Variants in DCHS2 observed in about 807,000 individuals in gnomAD.
DCHS2 encodes protocadherin-23.
DCHS2 carries 142 observed loss-of-function variants against 182.4 expected under a neutral mutation model. The observed-to-expected ratio is 0.78, with a 90% confidence interval of 0.68 to 0.89. The LOEUF (loss-of-function observed/expected upper bound fraction) is 0.89. Ranked by LOEUF, DCHS2 falls within the 40% of genes least tolerant of loss-of-function variation. The pLI, the probability that DCHS2 is intolerant of heterozygous loss-of-function variation, is 0.00. For missense variants in DCHS2, 4,319 were observed against 4,198.6 expected (o/e 1.03, Z -0.79); for synonymous variants, 1,740 against 1,663.3 (o/e 1.05, Z -1.12).
intron 1 of DCHS2, among the ~76,000 whole-genome samples, chr4:154,429,050 C>G (rs1246152051): frequency 6.6e-6 from 1 of 151,834 alleles, no homozygotes; most frequent in Non-Finnish European, 1.5e-5. Context: ...TATAAACACA[C>G]AAAGAAATCT....
intron 1 of DCHS2, among the ~76,000 whole-genome samples, chr4:154,445,821 A>C (rs1261156122): frequency 1.3e-5 from 2 of 151,974 alleles, no homozygotes; most frequent in African/African-American, 4.8e-5. Context: ...AAAAAAAAAA[A>C]AAAACGAAAG....
intron 3 of DCHS2, among the ~76,000 whole-genome samples, chr4:154,348,541 T>C (rs560029745): frequency 6.6e-6 from 1 of 152,036 alleles, no homozygotes; most frequent in Admixed American, 6.5e-5. Context: ...ATATAATTAG[T>C]TAAGGATCTC....
intron 1 of DCHS2, among the ~76,000 whole-genome samples, chr4:154,475,247 A>G (rs908285731): frequency 1.3e-5 from 2 of 152,180 alleles, no homozygotes; most frequent in African/African-American, 4.8e-5. Flanking sequence ...AAAATCAGAA[A>G]GGGGCAAAAC....
At chr4:154,366,562 A>G (rs890778382) in intron 2 of DCHS2, 121 bp from the exon 3 acceptor site, 4 of 702,360 alleles carry the variant, frequency 5.7e-6, no homozygotes, top group Non-Finnish European at 1.0e-5. Context: ...GGGGGTTTGT[A>G]TATGTATATG....
intron 16 of DCHS2, among the ~76,000 whole-genome samples, chr4:154,242,997 C>G (rs754343504): frequency 2.0e-5 from 3 of 152,008 alleles, no homozygotes; most frequent in Non-Finnish European, 2.9e-5. Context: ...AGCAAGCTGC[C>G]AGGGATCATG....
At chr4:154,317,856 C>CA (rs1244674778) in intron 9 of DCHS2, among the ~76,000 whole-genome samples, 2 of 151,690 alleles carry the variant, frequency 1.3e-5, no homozygotes. Context: ...AATGCTTCTT[C>CA]AAAAAAAGAA....
chr4:154,334,690 T>A, intron 4 of DCHS2, 178 bp downstream of exon 4: 1 of 565,542 alleles, frequency 1.8e-6, no homozygotes, highest in Non-Finnish European at 3.1e-6. Flanking sequence ...GAAAAAAAAT[T>A]GTGGGATGGA....
chr4:154,341,018 TG>T (rs1023416024), intron 3 of DCHS2, among the ~76,000 whole-genome samples: 1 of 152,128 alleles, frequency 6.6e-6, no homozygotes, highest in African/African-American at 2.4e-5. Context: ...TGAATTTATG[TG>T]GGGGGAGAAT....
intron 1 of DCHS2, among the ~76,000 whole-genome samples, chr4:154,383,845 C>T (rs1182349630): frequency 6.6e-6 from 1 of 151,930 alleles, no homozygotes; most frequent in African/African-American, 2.4e-5. Flanking sequence ...AAAAACGTCT[C>T]AGAGCCCAGT....
At chr4:154,312,376 G>T (rs1474719041) in intron 10 of DCHS2, among the ~76,000 whole-genome samples, 1 of 152,070 alleles carries the variant, frequency 6.6e-6, no homozygotes, top group African/African-American at 2.4e-5. Flanking sequence ...GCACGTCAAT[G>T]AATAACTACT....
At position 154,234,853 on chromosome 4, in the gene DCHS2, T is replaced by C. The variant is rs749618990; in HGVS notation, c.9799A>G (p.Ile3267Val). The C allele has an allele frequency of 2.5e-6, 4 of 1,613,968 alleles. No homozygotes were observed. In the South Asian group the frequency reaches 4.4e-5, roughly 18 times the overall value. Residue 3267 changes from isoleucine to valine, a missense_variant, in exon 20 of 20, where the codon ATT (isoleucine) becomes GTT (valine). Physicochemically the swap from Ile to Val is conservative, Grantham distance 29. Transcript: ENST00000357232. ...LKDEHLHMPG[I>V]PKEKKSFVFP... ...ACAAAAGATTTCTTCTCTTTTGGAA[T>C]GCCAGGCATATGCAAATGTTCATCC... is the stretch of plus-strand genomic sequence containing the variant.
chr4:154,379,406 T>C (rs571016043), intron 1 of DCHS2, among the ~76,000 whole-genome samples: 1 of 152,298 alleles, frequency 6.6e-6, no homozygotes, highest in Admixed American at 6.5e-5. Context: ...GGATATTTGG[T>C]GCATACAAAT....
chr4:154,401,086 G>A (rs1434096119), intron 1 of DCHS2, among the ~76,000 whole-genome samples: 2 of 152,088 alleles, frequency 1.3e-5, no homozygotes, highest in Non-Finnish European at 2.9e-5. Context: ...ACGCCCCTAA[G>A]CAACCACAGC....
At chr4:154,388,784 G>A (rs1376131051) in intron 1 of DCHS2, among the ~76,000 whole-genome samples, 2 of 152,122 alleles carry the variant, frequency 1.3e-5, no homozygotes, top group Non-Finnish European at 2.9e-5. Flanking sequence ...GTAAGCCACT[G>A]CGCCCGGCCA....
chr4:154,454,443 C>T (rs1272429202), intron 1 of DCHS2, among the ~76,000 whole-genome samples: 2 of 152,120 alleles, frequency 1.3e-5, no homozygotes, highest in Non-Finnish European at 2.9e-5. Context: ...GGGGTCTCAC[C>T]ATGTTGCCCA....
chr4:154,311,983 A>C (rs1228804611), intron 10 of DCHS2, among the ~76,000 whole-genome samples: 1 of 151,792 alleles, frequency 6.6e-6, no homozygotes, highest in Admixed American at 6.6e-5. Context: ...ATATTTATGC[A>C]AATATATTTA....
intron 10 of DCHS2, among the ~76,000 whole-genome samples, chr4:154,307,773 T>G (rs925847530): frequency 2.0e-5 from 3 of 152,124 alleles, no homozygotes; most frequent in African/African-American, 7.2e-5. Flanking sequence ...TCTGGCAATC[T>G]TTCCAGGTGT....
intron 1 of DCHS2, among the ~76,000 whole-genome samples, chr4:154,484,474 A>G (rs986225120): frequency 6.6e-6 from 1 of 152,194 alleles, no homozygotes; most frequent in Non-Finnish European, 1.5e-5. Flanking sequence ...ACAGCCTCCC[A>G]TTACTTCACT....
At chr4:154,256,143 GTTTTA>G (rs954651264) in intron 15 of DCHS2, among the ~76,000 whole-genome samples, 12 of 152,036 alleles carry the variant, frequency 7.9e-5, no homozygotes, top group East Asian at 1.9e-4. Flanking sequence ...TGTATTTAAA[GTTTTA>G]TTTTATTTTA....
Sources: gnomAD v4.1 joint callset for allele counts (sites outside exome capture counted in the v4.1 genomes callset) on GRCh38, gnomAD v4.1.1 for gene constraint, MANE v1.5 for transcripts, NCBI Gene and HGNC (gene_info 2026-07-23, HGNC 2026-07-21) for gene names.